The following SEC24B variants were observed in gnomAD, a reference collection of about 807,000 sequenced individuals.
SEC24B encodes the protein protein transport protein Sec24B.
Under a neutral mutation model 142.8 loss-of-function variants are expected in SEC24B, and 45 were observed. The ratio of observed to expected loss-of-function variants is 0.32; its 90% confidence interval spans 0.25 to 0.40. SEC24B has a LOEUF of 0.40. Among genes scored for constraint, SEC24B ranks in the 10% least tolerant of loss-of-function variants. The pLI, the probability that SEC24B is intolerant of heterozygous loss-of-function variation, is 1.00. For missense variants in SEC24B, 1,409 were observed against 1,526.8 expected (o/e 0.92, Z 1.29); for synonymous variants, 574 against 568.2 (o/e 1.01, Z -0.15).
At chr4:109,453,026 G>A (rs1730270530) in intron 1 of SEC24B, among the ~76,000 whole-genome samples, 1 of 152,092 alleles carries the variant, frequency 6.6e-6, no homozygotes, top group African/African-American at 2.4e-5. Flanking sequence ...TTTAAAGCTG[G>A]GTATCTGGGG....
chr4:109,521,713 G>C, intron 14 of SEC24B, 87 bp downstream of exon 14: 1 of 1,053,586 alleles, frequency 9.5e-7, no homozygotes, highest in South Asian at 1.6e-5. Flanking sequence ...ACTGGCAAGA[G>C]AGTTGGGTTT....
At chr4:109,502,439 T>G (rs1466584269) in intron 6 of SEC24B, among the ~76,000 whole-genome samples, 2 of 152,244 alleles carry the variant, frequency 1.3e-5, no homozygotes, top group Non-Finnish European at 2.9e-5. Context: ...ATTGAAGTTC[T>G]GCCCTAATTC....
chr4:109,479,066 G>A (rs964640563), intron 3 of SEC24B, among the ~76,000 whole-genome samples: 2 of 152,176 alleles, frequency 1.3e-5, no homozygotes, highest in African/African-American at 4.8e-5. Flanking sequence ...AGGGAACACT[G>A]AAGAATATTA....
At chr4:109,452,972 A>C (rs980958120) in intron 1 of SEC24B, among the ~76,000 whole-genome samples, 1 of 152,212 alleles carries the variant, frequency 6.6e-6, no homozygotes, top group African/African-American at 2.4e-5. Context: ...CCTAAGTGTC[A>C]GCTGGTCTGA....
Position 109,433,904 on chromosome 4 carries a change from C to T in SEC24B, c.35C>T (p.Ala12Val). 4.5e-6 allele frequency: 6 copies of T among 1,340,328 alleles called. No homozygotes were observed. The highest frequency in any genetic ancestry group is 5.8e-6 in the Non-Finnish European group (6 of 1,042,658). The allele number at this position is 1,340,328 out of a possible 1,614,324, so 83.0% of individuals were successfully genotyped here. A position where few individuals can be genotyped will look rare whatever the true frequency, so the allele number is the denominator to read the frequency against. The stretch of plus-strand genomic sequence containing the variant: ...CCCGCCGGGTCCTCTCACCCGGCCG[C>T]CAGCGCCCGGATCCCGCCCAAGTTC... ...SAPAGSSHPA[A>V]SARIPPKFGG... Residue 12 changes from alanine (A) to valine (V), a missense_variant, in exon 1 of 24, where the codon GCC becomes GTC. Coordinates refer to ENST00000265175, the MANE Select transcript of SEC24B (RefSeq NM_006323.5).
chr4:109,534,155 A>C (rs1219927576), intron 22 of SEC24B, among the ~76,000 whole-genome samples: 2 of 151,622 alleles, frequency 1.3e-5, no homozygotes, highest in African/African-American at 4.8e-5. Context: ...TGGTCCTCCC[A>C]CTTTAGCCTC....
chr4:109,485,058 T>C (rs2125990755), intron 4 of SEC24B, among the ~76,000 whole-genome samples: 1 of 152,298 alleles, frequency 6.6e-6, no homozygotes, highest in Non-Finnish European at 1.5e-5. Context: ...GTGTCAGTTT[T>C]TCTAGACTCA....
intron 23 of SEC24B, 59 bp downstream of exon 23, chr4:109,538,655 C>T: frequency 9.5e-7 from 1 of 1,055,528 alleles, no homozygotes; most frequent in Non-Finnish European, 1.5e-6. Flanking sequence ...TGTGGAATTG[C>T]TTGTCTTCAA....
intron 1 of SEC24B, among the ~76,000 whole-genome samples, chr4:109,437,311 G>A (rs1371720659): frequency 6.6e-6 from 1 of 152,082 alleles, no homozygotes; most frequent in Non-Finnish European, 1.5e-5. Flanking sequence ...TAGAGACAGG[G>A]TGTCACTCTG....
chr4:109,526,351 A>G lies in SEC24B; in HGVS notation c.2917A>G (p.Thr973Ala), dbSNP rs747808502. Residue 973 changes from threonine to alanine, a missense_variant, in exon 17 of 24, where the codon ACT (threonine) becomes GCT (alanine). Thr to Ala is a moderately conservative substitution (Grantham distance 58, BLOSUM62 0). This residue lies in a region of SEC24B where 700 missense variants were observed against 853.3 expected (regional missense o/e 0.82). Coordinates refer to ENST00000265175, the MANE Select transcript of SEC24B (RefSeq NM_006323.5). ...GTCAATTGAAGAAAGTTTAACAGAT[A>G]CTTCCTTAGTATGTTTTCAAACAGC... ...QLSIEESLTD[T>A]SLVCFQTALL... is the part of the protein sequence containing the mutation. The G allele has an allele frequency of 1.9e-6, 3 of 1,613,776 alleles. No individual in the cohort carries two copies. The highest frequency in any genetic ancestry group is 2.5e-6 in the Non-Finnish European group (3 of 1,179,860).
intron 4 of SEC24B, among the ~76,000 whole-genome samples, chr4:109,482,912 A>G (rs185365623): frequency 9.1e-4 from 104 of 113,860 alleles, no homozygotes; most frequent in Middle Eastern, 5.4e-3. Context: ...GATTACAGGC[A>G]TGAGCTACCT....
intron 1 of SEC24B, among the ~76,000 whole-genome samples, chr4:109,455,783 T>C (rs982830507): frequency 7.2e-5 from 11 of 152,036 alleles, no homozygotes; most frequent in Admixed American, 2.0e-4. Flanking sequence ...CTTAAATTGT[T>C]GTAACCTATA....
intron 2 of SEC24B, among the ~76,000 whole-genome samples, chr4:109,467,101 C>T (rs11933904): frequency 0.015 from 2,243 of 151,294 alleles, 37 homozygotes; most frequent in African/African-American, 0.038. Context: ...CCGAGGCGGG[C>T]GGATCACGAG....
At chr4:109,534,533 G>T (rs1725291858) in intron 22 of SEC24B, among the ~76,000 whole-genome samples, 1 of 152,016 alleles carries the variant, frequency 6.6e-6, no homozygotes. Flanking sequence ...CTTGCAGTGA[G>T]CCGAGATCGT....
intron 1 of SEC24B, among the ~76,000 whole-genome samples, chr4:109,435,135 C>A (rs1445242705): frequency 6.6e-6 from 1 of 152,212 alleles, no homozygotes; most frequent in Non-Finnish European, 1.5e-5. Flanking sequence ...TTAGTTTAAT[C>A]AACATCTAAG....
intron 6 of SEC24B, among the ~76,000 whole-genome samples, chr4:109,496,049 A>T (rs140396175): frequency 6.6e-6 from 1 of 152,308 alleles, no homozygotes; most frequent in East Asian, 1.9e-4. Flanking sequence ...ATACAGTTAA[A>T]TACTTAACAG....
intron 1 of SEC24B, among the ~76,000 whole-genome samples, chr4:109,443,242 C>T (rs751032530): frequency 6.6e-6 from 1 of 152,164 alleles, no homozygotes; most frequent in Non-Finnish European, 1.5e-5. Flanking sequence ...AGTCTTCCTG[C>T]ATATTATTCT....
intron 1 of SEC24B, among the ~76,000 whole-genome samples, chr4:109,456,325 G>GTTTT (rs1196701325): frequency 4.2e-4 from 39 of 92,096 alleles, no homozygotes; most frequent in African/African-American, 6.8e-4. Context: ...ATAAAGACAG[G>GTTTT]TTTTTTTTGT....
intron 20 of SEC24B, 55 bp from the exon 21 acceptor site, chr4:109,532,584 C>T: frequency 7.3e-7 from 1 of 1,362,528 alleles, no homozygotes; most frequent in Non-Finnish European, 1.0e-6. Context: ...CATTAGCTCC[C>T]AAACTGTGAT....
Sources: allele counts gnomAD v4.1 joint callset (sites outside exome capture counted in the v4.1 genomes callset), GRCh38; gene constraint gnomAD v4.1.1; regional missense constraint gnomAD v4.1.1; transcripts MANE v1.5; gene names NCBI Gene and HGNC (gene_info 2026-07-23, HGNC 2026-07-21).